RPS6KA2: variants seen among roughly 807,000 people sequenced by gnomAD.
RPS6KA2 encodes the protein ribosomal protein S6 kinase alpha-2.
Under a neutral mutation model 91.8 loss-of-function variants are expected in RPS6KA2, and 42 were observed. The observed-to-expected ratio is 0.46, with a 90% CI of 0.36 to 0.59. The LOEUF (loss-of-function observed/expected upper bound fraction) is 0.59. Ranked by LOEUF, RPS6KA2 falls within the 20% of genes least tolerant of loss-of-function variation. The pLI, the probability that RPS6KA2 is intolerant of heterozygous loss-of-function variation, is 0.00. For synonymous variants in RPS6KA2, 414 were observed against 393.6 expected, an observed-to-expected ratio of 1.05 and a Z score of -0.61; for missense variants, 798 against 978.5, an observed-to-expected ratio of 0.82 and a Z score of 2.46.
chr6:166,411,332 C>G lies in RPS6KA2; in HGVS notation c.*1430G>C, dbSNP rs1259261236. Reference sequence around the variant, plus strand: ...TGGCCAGCGGGCACCTCCTGAAGCCCTGCTTGCTGCAGAGGCGCCGCTCTT... The same window carrying G: ...TGGCCAGCGGGCACCTCCTGAAGCCGTGCTTGCTGCAGAGGCGCCGCTCTT... On this transcript the variant is annotated 3_prime_UTR_variant, in exon 21 of 21. Coordinates refer to ENST00000265678, the MANE Select transcript of RPS6KA2 (RefSeq NM_021135.6). This position sits in a 1 kb window ranked among gnomAD's most constrained non-coding sequence, Gnocchi z 4.5. 1 of 152,044 alleles carries G rather than the reference C, an allele frequency of 6.6e-6. No individual in the cohort carries two copies. The highest frequency in any genetic ancestry group is 2.4e-5 in the African/African-American group (1 of 41,398). The allele number at this position is 152,044 out of a possible 1,614,324, so 9.4% of individuals were successfully genotyped here.
At chr6:166,439,359 T>C (rs914308690) in intron 14 of RPS6KA2, among the ~76,000 whole-genome samples, 15 of 152,226 alleles carry the variant, frequency 9.9e-5, no homozygotes, top group African/African-American at 3.6e-4. Flanking sequence ...CCAACTGCCT[T>C]GGCCTTTCAA....
chr6:166,747,094 C>T (rs1031830379), intron 2 of RPS6KA2, among the ~76,000 whole-genome samples: 3 of 152,162 alleles, frequency 2.0e-5, no homozygotes, highest in Admixed American at 6.5e-5. Flanking sequence ...ATTACATAGA[C>T]GGGCTTTATC....
intron 1 of RPS6KA2, among the ~76,000 whole-genome samples, chr6:166,541,599 CA>C (rs1289728678): frequency 1.3e-5 from 2 of 152,208 alleles, no homozygotes; most frequent in African/African-American, 2.4e-5. Context: ...TGCTCCCAGT[CA>C]GCCCGTTTTT....
rs556758229 is a variant in RPS6KA2 at position 166,852,062 on chromosome 6, G to A, written c.123+6138C>T. Among the ~76,000 whole-genome samples the A allele has an allele frequency of 6.6e-6, 1 of 152,242 alleles. No homozygotes were observed. The highest frequency in any genetic ancestry group is 2.4e-5 in the African/African-American group (1 of 41,534). On this transcript the variant is annotated intron_variant, in intron 2 of 21. Coordinates refer to the RPS6KA2 transcript ENST00000503859. This position sits in a 1 kb window ranked among gnomAD's most constrained non-coding sequence, Gnocchi z 4.1. ...TCCACAGTGCGTCTAAACACAGATG[G>A]GCCTGCAGTGGCTTAGCCGCATCAC...
intron 2 of RPS6KA2, chr6:166,702,126 C>G: frequency 1.9e-6 from 3 of 1,548,612 alleles, no homozygotes; most frequent in Non-Finnish European, 2.7e-6. Context: ...CCTGCATTTT[C>G]TTTACGGTGG....
intron 3 of RPS6KA2, among the ~76,000 whole-genome samples, chr6:166,528,597 C>T (rs1414926830): frequency 6.6e-6 from 1 of 150,992 alleles, no homozygotes; most frequent in African/African-American, 2.4e-5. Flanking sequence ...AGAGCTTCCA[C>T]ACAGCAAAAG....
In RPS6KA2 at chr6:166,603,402, C is replaced by T. The variant is rs1307735203; in HGVS notation, c.99+23519G>A. Among the ~76,000 whole-genome samples, 5 of 152,210 alleles carry T rather than the reference C, an allele frequency of 3.3e-5. No individual in the cohort carries two copies. The highest frequency in any genetic ancestry group is 4.2e-4 in the South Asian group (2 of 4,818). ...GGGGTGGGGCAGAGCTCTGGGAGGCCGAGTGGTGACTTCCTCCAGTCCAGC... is the reference window on the plus strand; with the variant it reads ...GGGGTGGGGCAGAGCTCTGGGAGGCTGAGTGGTGACTTCCTCCAGTCCAGC... On this transcript the variant is annotated intron_variant, in intron 1 of 20. Transcript: ENST00000265678. This position sits in a 1 kb window ranked among gnomAD's most constrained non-coding sequence, Gnocchi z 4.3.
In RPS6KA2 at chr6:166,648,123, CAT is replaced by C. The variant is rs1787713260; in HGVS notation, c.124-109341_124-109340del. ...ATACACACACGTGCACACACACGCT[CAT>C]ACACATACATGCACACACGCACATG... On this transcript the variant is annotated intron_variant, in intron 2 of 21. Coordinates refer to the RPS6KA2 transcript ENST00000503859. This position sits in a 1 kb window ranked among gnomAD's most constrained non-coding sequence, Gnocchi z 4.8. 6.6e-6 allele frequency among the ~76,000 whole-genome samples: 1 copy of C among 150,724 alleles called. No individual in the cohort carries two copies. The highest frequency in any genetic ancestry group is 2.4e-5 in the African/African-American group (1 of 40,910).
At chr6:166,545,128 T>C (rs1783784643) in intron 1 of RPS6KA2, among the ~76,000 whole-genome samples, 1 of 152,186 alleles carries the variant, frequency 6.6e-6, no homozygotes, top group African/African-American at 2.4e-5. Flanking sequence ...CCTATCTACT[T>C]GATAGAGGGC....
Position 166,516,737 on chromosome 6 carries a change from C to T in RPS6KA2, c.299-6380G>A, listed in dbSNP as rs16899051. 9.1e-3 allele frequency among the ~76,000 whole-genome samples: 1,381 copies of T among 152,270 alleles called. 25 individuals carry two copies. The highest frequency in any genetic ancestry group is 0.032 in the African/African-American group (1,338 of 41,540). On this transcript the variant is annotated intron_variant, in intron 3 of 20. Transcript: ENST00000265678. ...GCAGGCCCAGGCTCGGCAGGGCCCA[C>T]GGGAGAGCAGGCCATCCGTCATTCC...
In RPS6KA2 at chr6:166,737,940, A is replaced by T. The variant is rs1019558867; in HGVS notation, c.123+120260T>A. ...GAAAAGTATACAAAGTAAAATAAAA[A>T]TGTCATGCCATCGCTCAGAGAGAAT... On this transcript the variant is annotated intron_variant, in intron 2 of 21. Transcript: ENST00000503859. The surrounding 1 kb of genome is among the most constrained non-coding windows in gnomAD (Gnocchi z 4.3). 5.9e-5 allele frequency among the ~76,000 whole-genome samples: 9 copies of T among 152,218 alleles called. No individual in the cohort carries two copies. Among genetic ancestry groups the T allele is most frequent in the African/African-American group, 2.2e-4 (9 of 41,448 alleles).
intron 19 of RPS6KA2, among the ~76,000 whole-genome samples, chr6:166,416,270 ACCTCTGCCGTCAC>A (rs937480592): frequency 7.0e-5 from 2 of 28,456 alleles, no homozygotes; most frequent in African/African-American, 2.5e-4. Context: ...TTTCTCTGTC[ACCTCTGCCGTCAC>A]CCTTGCCATC....
chr6:166,530,223 G>T (rs894592593), intron 3 of RPS6KA2, among the ~76,000 whole-genome samples: 6 of 152,178 alleles, frequency 3.9e-5, no homozygotes, highest in African/African-American at 1.2e-4. Flanking sequence ...CAAGGCCTCT[G>T]CATGAGCTCC....
intron 1 of RPS6KA2, among the ~76,000 whole-genome samples, chr6:166,548,033 G>T (rs182310029): frequency 6.6e-6 from 1 of 152,354 alleles, no homozygotes; most frequent in African/African-American, 2.4e-5. Flanking sequence ...AGCAAGTGGG[G>T]AAGAATAAGG....
chr6:166,773,620 G>A (rs1778538206), intron 2 of RPS6KA2, among the ~76,000 whole-genome samples: 1 of 152,050 alleles, frequency 6.6e-6, no homozygotes, highest in Non-Finnish European at 1.5e-5. Context: ...GGCTGGTCTG[G>A]AACTCCTGAC....
rs149980035 is a variant in RPS6KA2, at chr6:166,574,619, T to C, written c.100-35835A>G. On this transcript the variant is annotated intron_variant, in intron 1 of 20. Transcript: ENST00000265678. Reference sequence around the variant, plus strand: ...ATTGTGAACGTTGTTGCAGTGAAAATACAAGTGCATGTGTCTTTTTGGTAG... The same window carrying C: ...ATTGTGAACGTTGTTGCAGTGAAAACACAAGTGCATGTGTCTTTTTGGTAG... Among the ~76,000 whole-genome samples, 309 of 152,364 alleles carry C rather than the reference T, an allele frequency of 2.0e-3. 2 individuals are homozygous for C. The highest frequency in any genetic ancestry group is 7.2e-3 in the African/African-American group (300 of 41,582).
chr6:166,660,639 G>A (rs1187806360), intron 2 of RPS6KA2, among the ~76,000 whole-genome samples: 2 of 152,184 alleles, frequency 1.3e-5, no homozygotes, highest in African/African-American at 2.4e-5. Context: ...AAAAGGATCA[G>A]TATTTCAAAG....
chr6:166,521,990 C>T (rs1466651591), intron 3 of RPS6KA2, among the ~76,000 whole-genome samples: 1 of 152,154 alleles, frequency 6.6e-6, no homozygotes, highest in East Asian at 1.9e-4. Context: ...TGCCTTCCAT[C>T]AAGTGAGGAC....
At chr6:166,798,000 A>G (rs1280947886) in intron 2 of RPS6KA2, among the ~76,000 whole-genome samples, 2 of 152,200 alleles carry the variant, frequency 1.3e-5, no homozygotes, top group African/African-American at 4.8e-5. Flanking sequence ...AAAGCAGCAG[A>G]AGAAAAATGG....
Sources: allele counts gnomAD v4.1 joint callset (sites outside exome capture counted in the v4.1 genomes callset), GRCh38; gene constraint gnomAD v4.1.1; non-coding constraint Gnocchi (gnomAD v3.1); transcripts MANE v1.5; gene names NCBI Gene and HGNC (gene_info 2026-07-23, HGNC 2026-07-21).